Variants in MIPEP observed in about 807,000 individuals in gnomAD.
MIPEP encodes the protein mitochondrial intermediate peptidase.
In MIPEP, 79 loss-of-function variants were observed where a neutral mutation model predicts 90.3. That is an observed-to-expected ratio of 0.87 (90% CI 0.73 to 1.05). The LOEUF is 1.05. Among genes scored for constraint, MIPEP ranks in the 50% least tolerant of loss-of-function variants. The pLI is 0.00. For synonymous variants in MIPEP, 334 were observed against 315.8 expected, an observed-to-expected ratio of 1.06 and a Z score of -0.61; for missense variants, 940 against 905.6, an observed-to-expected ratio of 1.04 and a Z score of -0.49.
chr13:23,766,938 A>C (rs1176697012), intron 16 of MIPEP, among the ~76,000 whole-genome samples: 1 of 152,208 alleles, frequency 6.6e-6, no homozygotes. Context: ...CCATCTCGCT[A>C]GCAAGCTCAC....
chr13:23,792,014 C>A (rs551048523), intron 16 of MIPEP, among the ~76,000 whole-genome samples: 25 of 152,342 alleles, frequency 1.6e-4, no homozygotes, highest in South Asian at 6.2e-4. Context: ...GAAACATTTT[C>A]TTCAGTTGGT....
At chr13:23,814,381 CGAGTA>C (rs1467996591) in intron 14 of MIPEP, among the ~76,000 whole-genome samples, 1 of 152,144 alleles carries the variant, frequency 6.6e-6, no homozygotes, top group Non-Finnish European at 1.5e-5. Context: ...CTCAGCCTCC[CGAGTA>C]GAGTAGCTGG....
chr13:23,799,000 G>GTTTTTTTTTTTTTTTTTTTTTTTTT (rs765292524), intron 16 of MIPEP, among the ~76,000 whole-genome samples: 1 of 88,904 alleles, frequency 1.1e-5, no homozygotes, highest in Non-Finnish European at 2.0e-5. Flanking sequence ...AATTTTTTTG[G>GTTTTTTTTTTTTTTTTTTTTTTTTT]TTTTTTTTTT....
intron 16 of MIPEP, among the ~76,000 whole-genome samples, chr13:23,763,576 G>A (rs1467835143): frequency 2.9e-5 from 4 of 137,852 alleles, no homozygotes; most frequent in Non-Finnish European, 6.3e-5. Flanking sequence ...GCTAAGAAAT[G>A]TCTTAAGTTC....
chr13:23,845,297 C>G (rs1031047642), intron 10 of MIPEP, among the ~76,000 whole-genome samples: 6 of 152,106 alleles, frequency 3.9e-5, no homozygotes, highest in Admixed American at 2.6e-4. Context: ...TCATTTCATG[C>G]ATCTCCTGTT....
At chr13:23,808,354 C>T (rs1402000849) in intron 15 of MIPEP, among the ~76,000 whole-genome samples, 2 of 152,154 alleles carry the variant, frequency 1.3e-5, no homozygotes, top group Admixed American at 6.5e-5. Flanking sequence ...CCGCCTCGGC[C>T]TCCCAACGTG....
chr13:23,793,002 G>A (rs928358318), intron 16 of MIPEP, among the ~76,000 whole-genome samples: 1 of 152,178 alleles, frequency 6.6e-6, no homozygotes, highest in African/African-American at 2.4e-5. Flanking sequence ...TCCAAATATT[G>A]CTGGTTGGAA....
At chr13:23,810,289 A>G (rs1412361296) in intron 14 of MIPEP, among the ~76,000 whole-genome samples, 1 of 152,254 alleles carries the variant, frequency 6.6e-6, no homozygotes, top group Non-Finnish European at 1.5e-5. Flanking sequence ...TTAAGTGCAT[A>G]TAATCACTGA....
chr13:23,864,440 TAA>T (rs1469864414), intron 7 of MIPEP, among the ~76,000 whole-genome samples: 1 of 152,112 alleles, frequency 6.6e-6, no homozygotes, highest in South Asian at 2.1e-4. Flanking sequence ...ATCCCAAAAT[TAA>T]AAGAGTTAAT....
intron 14 of MIPEP, among the ~76,000 whole-genome samples, chr13:23,826,285 T>A (rs1868448021): frequency 1.3e-5 from 2 of 152,164 alleles, no homozygotes; most frequent in Non-Finnish European, 2.9e-5. Context: ...ATCAAAAAAT[T>A]AGTTATATCA....
rs1303189118 is a variant in MIPEP, at chr13:23,886,505, C to T, written c.191G>A (p.Gly64Asp). Residue 64 changes from glycine (G) to aspartate (D), a missense_variant and splice_region_variant, in exon 2 of 19, where the codon GGT becomes GAT. Coordinates refer to ENST00000382172, the MANE Select transcript of MIPEP (RefSeq NM_005932.4). ...ACTCAGCTCAGGAACTCCAAAAAGACCCTTAGAACCAAAGAATACGTCTGA... is the reference window on the plus strand; with the variant it reads ...ACTCAGCTCAGGAACTCCAAAAAGATCCTTAGAACCAAAGAATACGTCTGA... ...SRLDLFGERR[G>D]LFGVPELSAP... is the part of the protein sequence containing the mutation. The T allele has an allele frequency of 6.4e-7, 1 of 1,561,182 alleles. No homozygotes were observed. Among genetic ancestry groups the T allele is most frequent in the Non-Finnish European group, 8.6e-7 (1 of 1,156,112 alleles).
At chr13:23,824,086 T>G (rs1277475361) in intron 14 of MIPEP, among the ~76,000 whole-genome samples, 1 of 152,208 alleles carries the variant, frequency 6.6e-6, no homozygotes. Context: ...CACAGCATTT[T>G]GGAATGATTC....
chr13:23,836,346 G>T lies in MIPEP; in HGVS notation c.1547C>A (p.Thr516Asn). The T allele has an allele frequency of 6.4e-7, 1 of 1,560,698 alleles. No homozygotes were observed. The highest frequency in any genetic ancestry group is 1.2e-5 in the South Asian group (1 of 80,274). The change falls in exon 14 of 19, where the codon ACC becomes AAC. Residue 516 changes from threonine to asparagine, a missense_variant. By Grantham distance (65) the Thr-to-Asn change is moderately conservative (BLOSUM62 0). Transcript: ENST00000382172. Reference protein sequence around the residue: ...GRTRYQHVTGTRCPTDFAEVP... With the variant: ...GRTRYQHVTGNRCPTDFAEVP... ...CTCAGCAAAATCAGTAGGGCACCTG[G>T]TCCCTAAAACAAGAAAAAAAAAAAA...
chr13:23,776,465 G>A (rs1480263042), intron 16 of MIPEP, among the ~76,000 whole-genome samples: 1 of 152,142 alleles, frequency 6.6e-6, no homozygotes, highest in African/African-American at 2.4e-5. Flanking sequence ...GACTCCACGA[G>A]GCAAAATTCA....
Position 23,756,601 on chromosome 13 carries a change from T to A in MIPEP, c.1988A>T (p.Tyr663Phe), listed in dbSNP as rs368182081. The A allele has an allele frequency of 1.2e-6, 2 of 1,613,580 alleles. No homozygotes were observed. The highest frequency in any genetic ancestry group is 4.5e-5 in the East Asian group (2 of 44,894). ...DPFNRAAGERYRREMLAHGGG... is the reference protein window; with the variant it reads ...DPFNRAAGERFRREMLAHGGG... The stretch of plus-strand genomic sequence containing the variant: ...ACCGTGGGCCAGCATCTCCCTGCGA[T>A]AGCGCTCCCCGGCAGCCCTGGGGAA... The change falls in exon 18 of 19, where the codon TAT becomes TTT. Residue 663 changes from tyrosine (Y) to phenylalanine (F), a missense_variant. Tyr to Phe is a conservative substitution (Grantham distance 22). Coordinates refer to ENST00000382172, the MANE Select transcript of MIPEP (RefSeq NM_005932.4).
At chr13:23,730,958 T>C (rs1952198385) in intron 18 of MIPEP, among the ~76,000 whole-genome samples, 1 of 152,208 alleles carries the variant, frequency 6.6e-6, no homozygotes, top group African/African-American at 2.4e-5. Flanking sequence ...ACTTAGTAAC[T>C]GTGTAACGCA....
At chr13:23,858,246 T>C (rs1870128318) in intron 10 of MIPEP, among the ~76,000 whole-genome samples, 1 of 152,006 alleles carries the variant, frequency 6.6e-6, no homozygotes, top group Non-Finnish European at 1.5e-5. Flanking sequence ...ATAGTGTGTC[T>C]GTAGGGAGAG....
chr13:23,783,595 G>T (rs2137365120), intron 16 of MIPEP, among the ~76,000 whole-genome samples: 1 of 152,234 alleles, frequency 6.6e-6, no homozygotes, highest in Non-Finnish European at 1.5e-5. Flanking sequence ...TGGAAGTTCT[G>T]GCCAGGGCAA....
At chr13:23,874,812 C>T (rs1566025566) in intron 5 of MIPEP, 34 bp downstream of exon 5, 1 of 1,540,710 alleles carries the variant, frequency 6.5e-7, no homozygotes, top group East Asian at 2.3e-5. Context: ...GTTAGTAAAA[C>T]TGGAAGAGTC....
Sources: gnomAD v4.1 joint callset for allele counts (sites outside exome capture counted in the v4.1 genomes callset) on GRCh38, gnomAD v4.1.1 for gene constraint, MANE v1.5 for transcripts, NCBI Gene and HGNC (gene_info 2026-07-23, HGNC 2026-07-21) for gene names.